Variants in SPMIP2 observed in about 807,000 individuals in gnomAD.
The protein encoded by SPMIP2 is protein SPMIP2.
the SPMIP2 span, among the ~76,000 whole-genome samples, chr4:159,030,139 G>A: frequency 1.3e-5 from 2 of 152,288 alleles, no homozygotes; most frequent in Non-Finnish European, 2.9e-5. Context: ...TTGGCTGGGT[G>A]CGGTGGCTCA....
chr4:158,975,200 C>T, the SPMIP2 span, among the ~76,000 whole-genome samples: 7 of 151,894 alleles, frequency 4.6e-5, no homozygotes, highest in African/African-American at 1.7e-4. Context: ...TTGATATTAG[C>T]ACTTTCAGAT....
the SPMIP2 span, chr4:158,909,507 G>T: frequency 4.6e-5 from 7 of 151,344 alleles, no homozygotes; most frequent in Non-Finnish European, 8.8e-5. Flanking sequence ...TGCCTGGACC[G>T]TTCTGTCAGA....
chr4:158,960,251 C>G, the SPMIP2 span: 1 of 1,231,666 alleles, frequency 8.1e-7, no homozygotes, highest in Non-Finnish European at 1.2e-6. Context: ...GAAAGAAACA[C>G]AGTAATTAAT....
chr4:159,065,445 T>C, the SPMIP2 span, among the ~76,000 whole-genome samples: 72 of 151,968 alleles, frequency 4.7e-4, no homozygotes, highest in Non-Finnish European at 8.3e-4. Flanking sequence ...TGGCTGGGTG[T>C]GTTGGCTCAC....
chr4:159,051,640 T>C, the SPMIP2 span, among the ~76,000 whole-genome samples: 1 of 152,238 alleles, frequency 6.6e-6, no homozygotes, highest in Non-Finnish European at 1.5e-5. Context: ...ATAGAATTTC[T>C]CTCTTTCATT....
chr4:159,051,072 A>G, the SPMIP2 span, among the ~76,000 whole-genome samples: 4 of 150,782 alleles, frequency 2.7e-5, no homozygotes, highest in Non-Finnish European at 5.9e-5. Flanking sequence ...GCGCCACTGC[A>G]CTCCAGCCTG....
At chr4:159,045,977 C>T in the SPMIP2 span, among the ~76,000 whole-genome samples, 1 of 152,110 alleles carries the variant, frequency 6.6e-6, no homozygotes, top group South Asian at 2.1e-4. Flanking sequence ...AGGCCGGGCA[C>T]GGTGGCTCCT....
chr4:159,027,384 T>G, the SPMIP2 span, among the ~76,000 whole-genome samples: 36 of 152,298 alleles, frequency 2.4e-4, no homozygotes, highest in Non-Finnish European at 4.9e-4. Context: ...AGAATCATGG[T>G]AAGGACATAT....
the SPMIP2 span, among the ~76,000 whole-genome samples, chr4:158,909,757 T>C: frequency 6.6e-6 from 1 of 151,718 alleles, no homozygotes; most frequent in Admixed American, 6.6e-5. Flanking sequence ...TAAAAAAAAT[T>C]TGGGGCTGGA....
chr4:158,998,360 T>C, the SPMIP2 span, among the ~76,000 whole-genome samples: 1 of 152,258 alleles, frequency 6.6e-6, no homozygotes, highest in Non-Finnish European at 1.5e-5. Context: ...ATTTTAGATA[T>C]GAATGAAGCT....
chr4:159,047,311 A>G, the SPMIP2 span, among the ~76,000 whole-genome samples: 1 of 152,196 alleles, frequency 6.6e-6, no homozygotes, highest in African/African-American at 2.4e-5. Flanking sequence ...AAAACCCCAT[A>G]CATATATACA....
the SPMIP2 span, among the ~76,000 whole-genome samples, chr4:158,911,713 C>T: frequency 6.6e-6 from 1 of 152,182 alleles, no homozygotes; most frequent in African/African-American, 2.4e-5. Context: ...CCATTTCAGA[C>T]CTACTGAATC....
At chr4:159,062,697 G>GTATCTCTCTCTCTCTCTCTCTCTCTCTC in the SPMIP2 span, among the ~76,000 whole-genome samples, 1 of 95,112 alleles carries the variant, frequency 1.1e-5, no homozygotes, top group Non-Finnish European at 2.2e-5. Flanking sequence ...TTGAAACAGG[G>GTATCTCTCTCTCTCTCTCTCTCTCTCTC]TCTCTCTCTC....
At chr4:159,020,064 G>C in the SPMIP2 span, among the ~76,000 whole-genome samples, 2 of 151,594 alleles carry the variant, frequency 1.3e-5, no homozygotes, top group Non-Finnish European at 2.9e-5. Flanking sequence ...AGGTTGCAGT[G>C]AGCCGAGATT....
At chr4:159,032,859 T>C in the SPMIP2 span, among the ~76,000 whole-genome samples, 1 of 151,386 alleles carries the variant, frequency 6.6e-6, no homozygotes, top group South Asian at 2.1e-4. Flanking sequence ...ACAAGGACTC[T>C]CATTCATTGC....
chr4:158,976,185 G>T, the SPMIP2 span, among the ~76,000 whole-genome samples: 1 of 152,144 alleles, frequency 6.6e-6, no homozygotes, highest in African/African-American at 2.4e-5. Context: ...AGGAGATTTT[G>T]GGCTGAGACA....
At chr4:158,908,257 A>T in the SPMIP2 span, among the ~76,000 whole-genome samples, 1 of 152,144 alleles carries the variant, frequency 6.6e-6, no homozygotes, top group Non-Finnish European at 1.5e-5. Flanking sequence ...GATAGGCGAG[A>T]GGTCCTGCAC....
the SPMIP2 span, among the ~76,000 whole-genome samples, chr4:158,922,882 T>C: frequency 1.3e-5 from 2 of 152,238 alleles, no homozygotes; most frequent in Non-Finnish European, 2.9e-5. Context: ...ATTTCAAGAA[T>C]TGTCCATGTT....
chr4:159,052,783 G>C, the SPMIP2 span, among the ~76,000 whole-genome samples: 2 of 150,502 alleles, frequency 1.3e-5, no homozygotes, highest in African/African-American at 4.9e-5. Flanking sequence ...ACAGGCGCCT[G>C]CCACCACGCC....
Sources: gnomAD v4.1 joint callset for allele counts (sites outside exome capture counted in the v4.1 genomes callset) on GRCh38, gnomAD v4.1.1 for gene constraint, MANE v1.5 for transcripts, NCBI Gene and HGNC (gene_info 2026-07-23, HGNC 2026-07-21) for gene names.